Variants in ENOX2 observed in about 807,000 individuals in gnomAD.
ENOX2 encodes the protein ecto-NOX disulfide-thiol exchanger 2.
A neutral mutation model predicts 45.0 loss-of-function variants in ENOX2; 36 were observed. The observed-to-expected ratio is 0.80, with a 90% confidence interval of 0.61 to 1.06. The LOEUF (loss-of-function observed/expected upper bound fraction) is 1.06. Among genes scored for constraint, ENOX2 ranks in the 50% least tolerant of loss-of-function variants. The probability of loss-of-function intolerance (pLI) is 0.00; values close to 1 mark genes in which losing one functional copy is unlikely to be tolerated. For synonymous variants in ENOX2, 174 were observed against 152.3 expected (o/e 1.14, Z -1.05); for missense variants, 423 against 462.5 (o/e 0.91, Z 0.78).
intron 11 of ENOX2, among the ~76,000 whole-genome samples, chrX:130,636,318 A>G (rs2035931078): frequency 2.7e-5 from 3 of 112,864 alleles, no homozygotes; most frequent in Non-Finnish European, 5.6e-5. Flanking sequence ...AGTGGCAGAA[A>G]GAATAACATA....
chrX:130,853,248 C>T (rs756024481), intron 2 of ENOX2, among the ~76,000 whole-genome samples: 76 of 109,035 alleles, frequency 7.0e-4, no homozygotes, highest in African/African-American at 2.4e-3. Flanking sequence ...GAGGCCGAGG[C>T]GGGCGGATCA....
At chrX:130,902,953 C>T (rs2148607943) in intron 1 of ENOX2, 96 bp downstream of exon 1, 1 of 109,926 alleles carries the variant, frequency 9.1e-6, no homozygotes, top group Admixed American at 9.6e-5. Context: ...TGGAGTTAGG[C>T]GCTGAGGACC....
At chrX:130,826,031 A>G (rs760288439) in intron 2 of ENOX2, among the ~76,000 whole-genome samples, 1 of 111,376 alleles carries the variant, frequency 9.0e-6, no homozygotes, top group South Asian at 3.8e-4. Context: ...TATAAGGTTC[A>G]GTACCATCCA....
At chrX:130,701,961 CT>C (rs1047466779) in intron 4 of ENOX2, among the ~76,000 whole-genome samples, 1 of 111,301 alleles carries the variant, frequency 9.0e-6, no homozygotes, top group African/African-American at 3.3e-5. Context: ...ATTTAGACTC[CT>C]TTTTTTTCTC....
intron 6 of ENOX2, among the ~76,000 whole-genome samples, chrX:130,678,087 TAA>T (rs371260035): frequency 2.0e-5 from 2 of 97,927 alleles, no homozygotes; most frequent in Non-Finnish European, 4.2e-5. Context: ...GACTCCATCT[TAA>T]AAAAAAAAAA....
intron 4 of ENOX2, 117 bp from the exon 5 acceptor site, chrX:130,689,135 C>A: frequency 1.9e-6 from 1 of 531,231 alleles, no homozygotes; most frequent in Non-Finnish European, 3.0e-6. Flanking sequence ...AAATATTTAA[C>A]AAGCATGGTA....
intron 2 of ENOX2, among the ~76,000 whole-genome samples, chrX:130,857,893 T>A (rs745526513): frequency 7.2e-5 from 8 of 111,775 alleles, no homozygotes; most frequent in East Asian, 5.6e-4. Context: ...AGAATTTTTT[T>A]AATTACAAAT....
chrX:130,822,391 C>T (rs2077633557), intron 2 of ENOX2, among the ~76,000 whole-genome samples: 1 of 112,148 alleles, frequency 8.9e-6, no homozygotes, highest in South Asian at 3.7e-4. Context: ...ACTTTCTTGA[C>T]ATGCCAGGCA....
chrX:130,799,041 T>A (rs1025539167), intron 2 of ENOX2, among the ~76,000 whole-genome samples: 2 of 111,904 alleles, frequency 1.8e-5, no homozygotes, highest in Non-Finnish European at 3.8e-5. Context: ...TACAAAGTAT[T>A]GTTCCTGGGT....
intron 2 of ENOX2, among the ~76,000 whole-genome samples, chrX:130,804,560 C>T (rs1281083947): frequency 8.9e-6 from 1 of 111,838 alleles, no homozygotes; most frequent in East Asian, 2.8e-4. Context: ...TCACATTCAC[C>T]TAAAAGGCTT....
chrX:130,835,084 G>GA (rs1407794039), intron 2 of ENOX2, among the ~76,000 whole-genome samples: 4 of 110,058 alleles, frequency 3.6e-5, no homozygotes, highest in Admixed American at 1.9e-4. Context: ...AATTAACTTA[G>GA]AAAAAAAACA....
intron 6 of ENOX2, among the ~76,000 whole-genome samples, chrX:130,675,407 A>G (rs1447900139): frequency 8.9e-6 from 1 of 112,841 alleles, no homozygotes; most frequent in Non-Finnish European, 1.9e-5. Context: ...AAACACAGAT[A>G]AAGATAACAT....
intron 2 of ENOX2, among the ~76,000 whole-genome samples, chrX:130,872,998 T>C (rs1243260294): frequency 8.9e-6 from 1 of 111,873 alleles, no homozygotes; most frequent in African/African-American, 3.3e-5. Flanking sequence ...AAAGACTTCA[T>C]GAATAAAACA....
At chrX:130,627,727 A>G (rs1037559358) in intron 14 of ENOX2, among the ~76,000 whole-genome samples, 8 of 112,144 alleles carry the variant, frequency 7.1e-5, no homozygotes, top group Non-Finnish European at 1.1e-4. Flanking sequence ...CCTGGTTTTA[A>G]CATCGAAAAT....
chrX:130,830,633 T>G (rs756783528), intron 2 of ENOX2, among the ~76,000 whole-genome samples: 1 of 112,375 alleles, frequency 8.9e-6, no homozygotes, highest in Non-Finnish European at 1.9e-5. Context: ...GTCTTTCTAC[T>G]GGAAGTTGGC....
intron 3 of ENOX2, among the ~76,000 whole-genome samples, chrX:130,771,125 G>C (rs2039731804): frequency 8.9e-6 from 1 of 112,136 alleles, no homozygotes; most frequent in Non-Finnish European, 1.9e-5. Context: ...GAAGTGACTG[G>C]AAAAGGGCAC....
chrX:130,646,048 C>T (rs1290015306), intron 10 of ENOX2: 8 of 559,686 alleles, frequency 1.4e-5, no homozygotes, highest in Non-Finnish European at 2.3e-5. Flanking sequence ...GTCAACGTCC[C>T]TAGCACAAAG....
intron 9 of ENOX2, among the ~76,000 whole-genome samples, chrX:130,657,065 C>T (rs944793220): frequency 8.9e-6 from 1 of 111,816 alleles, no homozygotes; most frequent in Admixed American, 9.5e-5. Context: ...TTTAATTTTG[C>T]TGCTTGCCAT....
intron 2 of ENOX2, among the ~76,000 whole-genome samples, chrX:130,891,490 GTTTTTTTTTTTTT>G (rs140444679): frequency 4.5e-5 from 2 of 44,570 alleles, no homozygotes; most frequent in East Asian, 7.9e-4. Flanking sequence ...ACACTATATG[GTTTTTTTTTTTTT>G]TTTTTTTTTT....
Sources: allele counts gnomAD v4.1 joint callset (sites outside exome capture counted in the v4.1 genomes callset), GRCh38; gene constraint gnomAD v4.1.1; transcripts MANE v1.5; gene names NCBI Gene and HGNC (gene_info 2026-07-23, HGNC 2026-07-21).